SEMA6A: variants seen among roughly 807,000 people sequenced by gnomAD.
SEMA6A encodes the protein semaphorin 6A.
In SEMA6A, 25 loss-of-function variants were observed where a neutral mutation model predicts 96.8. That is an observed-to-expected ratio of 0.26 (90% confidence interval 0.19 to 0.36). The LOEUF (loss-of-function observed/expected upper bound fraction) is 0.36, where lower values mean the gene tolerates loss of function less well. SEMA6A is among the 10% of genes least tolerant of loss of function. The pLI is 1.00. For missense variants in SEMA6A, 1,363 were observed against 1,323.1 expected, an observed-to-expected ratio of 1.03 and a Z score of -0.47; for synonymous variants, 612 against 518.0, an observed-to-expected ratio of 1.18 and a Z score of -2.46.
chr5:116,571,631 A>G (rs769414886), intron 1 of SEMA6A, among the ~76,000 whole-genome samples: 6 of 152,250 alleles, frequency 3.9e-5, no homozygotes. Context: ...CCATACAAAC[A>G]AGCATGGGTA....
Position 116,495,464 on chromosome 5 carries a change from T to G in SEMA6A, c.393A>C (p.Ala131=), listed in dbSNP as rs1208465501. 1 of 1,610,158 alleles carries G rather than the reference T, an allele frequency of 6.2e-7. No individual in the cohort carries two copies. Among genetic ancestry groups the G allele is most frequent in the Non-Finnish European group, 8.5e-7 (1 of 1,178,314 alleles). The change falls in exon 6 of 19, where the codon GCA becomes GCC. Residue 131 remains alanine (A), a synonymous_variant. Transcript: ENST00000343348. ...AGGCATTAGTTCCACAGACAAACAA[T>G]GCATCATCGTTTTTCTTTAGAAGAA... ...IKVLLKKNDD[A]LFVCGTNAFN... is the part of the protein sequence containing the mutation.
intron 11 of SEMA6A, 57 bp from the exon 12 acceptor site, chr5:116,480,334 T>G: frequency 6.3e-7 from 1 of 1,595,528 alleles, no homozygotes; most frequent in Non-Finnish European, 8.5e-7. Flanking sequence ...TTATGGCAAA[T>G]TCTTTGAATG....
intron 1 of SEMA6A, among the ~76,000 whole-genome samples, chr5:116,529,577 C>T (rs549957110): frequency 5.7e-4 from 86 of 152,144 alleles, no homozygotes; most frequent in Non-Finnish European, 7.9e-4. Flanking sequence ...AAGAAGACCA[C>T]GCAGCTGGAG....
intron 1 of SEMA6A, chr5:116,536,398 G>C (rs376030116): frequency 1.3e-5 from 2 of 152,106 alleles, no homozygotes; most frequent in African/African-American, 4.8e-5. Flanking sequence ...GCTTGGTGAA[G>C]AAAGAGACAT....
chr5:116,449,170 T>G (rs1377781515), intron 18 of SEMA6A: 2 of 576,436 alleles, frequency 3.5e-6, no homozygotes, highest in Non-Finnish European at 6.2e-6. Flanking sequence ...AAGTGCTTGA[T>G]GCAGTCGCTA....
intron 1 of SEMA6A, among the ~76,000 whole-genome samples, chr5:116,524,773 C>CACACACACACAG (rs1554090316): frequency 3.4e-5 from 5 of 145,276 alleles, no homozygotes; most frequent in African/African-American, 1.3e-4. Context: ...GGTATGTATA[C>CACACACACACAG]ACACACACAC....
At chr5:116,566,079 A>T (rs1761015315) in intron 1 of SEMA6A, among the ~76,000 whole-genome samples, 2 of 152,180 alleles carry the variant, frequency 1.3e-5, no homozygotes, top group Admixed American at 1.3e-4. Flanking sequence ...AATTAATACA[A>T]TCTTTATTTC....
chr5:116,480,327 T>G, intron 11 of SEMA6A, 50 bp from the exon 12 acceptor site: 1 of 1,603,518 alleles, frequency 6.2e-7, no homozygotes, highest in Non-Finnish European at 8.5e-7. Context: ...TTCTGCCTTA[T>G]GGCAAATTCT....
intron 1 of SEMA6A, among the ~76,000 whole-genome samples, chr5:116,531,397 T>C (rs956583753): frequency 6.6e-6 from 1 of 152,152 alleles, no homozygotes; most frequent in Non-Finnish European, 1.5e-5. Flanking sequence ...CTGAGGCACG[T>C]GGAGCCCTCT....
intron 16 of SEMA6A, among the ~76,000 whole-genome samples, chr5:116,475,277 C>T (rs1756389946): frequency 6.6e-6 from 1 of 152,132 alleles, no homozygotes; most frequent in Admixed American, 6.5e-5. Context: ...TAACTTACTG[C>T]TTTGCTACAA....
intron 1 of SEMA6A, among the ~76,000 whole-genome samples, chr5:116,517,463 AT>A (rs201333973): frequency 0.023 from 3,573 of 152,106 alleles, 69 homozygotes; most frequent in Middle Eastern, 0.041. Flanking sequence ...TTCTCACAGA[AT>A]TTAAAAAAAA....
At chr5:116,467,999 G>A in intron 17 of SEMA6A, 1 of 468,866 alleles carries the variant, frequency 2.1e-6, no homozygotes, top group Non-Finnish European at 3.8e-6. Flanking sequence ...TGCTGGGTGG[G>A]CCTCAGGGAA....
intron 15 of SEMA6A, 64 bp downstream of exon 15, chr5:116,477,782 T>C: frequency 6.6e-7 from 1 of 1,520,740 alleles, no homozygotes; most frequent in Non-Finnish European, 9.1e-7. Context: ...AGAGCAAATC[T>C]TACATCTAGA....
chr5:116,545,108 G>A (rs1488127918), intron 1 of SEMA6A, among the ~76,000 whole-genome samples: 2 of 152,072 alleles, frequency 1.3e-5, no homozygotes, highest in African/African-American at 4.8e-5. Flanking sequence ...GTCACCCTTA[G>A]TTACCTGTTC....
intron 1 of SEMA6A, among the ~76,000 whole-genome samples, chr5:116,564,127 C>T (rs185819119): frequency 2.0e-5 from 3 of 152,284 alleles, no homozygotes; most frequent in South Asian, 2.1e-4. Context: ...GGTTGGGTAA[C>T]GGATGGGTCA....
intron 1 of SEMA6A, among the ~76,000 whole-genome samples, chr5:116,544,102 C>A (rs1421297072): frequency 1.3e-5 from 2 of 152,156 alleles, no homozygotes; most frequent in Admixed American, 6.5e-5. Flanking sequence ...ACCTTCCAAC[C>A]ACTTCCACTA....
chr5:116,478,786 TCAAA>T, intron 12 of SEMA6A, 68 bp from the exon 13 acceptor site: 1 of 1,482,038 alleles, frequency 6.7e-7, no homozygotes, highest in Non-Finnish European at 9.2e-7. Context: ...CTGTTCCACT[TCAAA>T]CAGCTGCGAC....
chr5:116,530,577 GA>G (rs956991892), intron 1 of SEMA6A, among the ~76,000 whole-genome samples: 2 of 151,900 alleles, frequency 1.3e-5, no homozygotes, highest in Non-Finnish European at 2.9e-5. Flanking sequence ...TTTTTTAAGA[GA>G]AAAAAATATT....
intron 1 of SEMA6A, among the ~76,000 whole-genome samples, chr5:116,531,367 G>C (rs1003341984): frequency 6.6e-6 from 1 of 152,114 alleles, no homozygotes; most frequent in African/African-American, 2.4e-5. Context: ...GGGAATTGTA[G>C]GACCTGTAGT....
Sources: gnomAD v4.1 joint callset for allele counts (sites outside exome capture counted in the v4.1 genomes callset) on GRCh38, gnomAD v4.1.1 for gene constraint, MANE v1.5 for transcripts, NCBI Gene and HGNC (gene_info 2026-07-23, HGNC 2026-07-21) for gene names.